PKP1: variants seen among roughly 807,000 people sequenced by gnomAD.
The protein encoded by PKP1 is plakophilin-1.
PKP1 carries 27 observed loss-of-function variants against 76.4 expected under a neutral mutation model. That is an observed-to-expected ratio of 0.35 (90% CI 0.26 to 0.49). The LOEUF is 0.49. PKP1 is among the 20% of genes least tolerant of loss of function. The probability of loss-of-function intolerance (pLI) is 0.99; values close to 1 mark genes in which losing one functional copy is unlikely to be tolerated. For missense variants in PKP1, 964 were observed against 955.2 expected, an observed-to-expected ratio of 1.01 and a Z score of -0.12; for synonymous variants, 404 against 384.2, an observed-to-expected ratio of 1.05 and a Z score of -0.60.
Position 201,313,407 on chromosome 1 carries a change from G to A in PKP1, c.548G>A (p.Arg183His), listed in dbSNP as rs781340038. 6.9e-6 allele frequency: 11 copies of A among 1,588,390 alleles called. No homozygotes were observed. The highest frequency in any genetic ancestry group is 2.3e-5 in the East Asian group (1 of 44,052). The change falls in exon 3 of 14, where the codon CGC becomes CAC. Residue 183 changes from arginine (R) to histidine (H), a missense_variant. By Grantham distance (29) the Arg-to-His change is conservative. Transcript: ENST00000367324. ...AAGGGCCAGAAGACCACCCAGAACC[G>A]CTACAGCTTTTACAGCACCTGCAGT... is the stretch of plus-strand genomic sequence containing the variant. Reference protein sequence around the residue: ...GSKGQKTTQNRYSFYSTCSGQ... With the variant: ...GSKGQKTTQNHYSFYSTCSGQ...
chr1:201,324,029 G>A (rs1003964051), intron 9 of PKP1, among the ~76,000 whole-genome samples: 1 of 152,184 alleles, frequency 6.6e-6, no homozygotes, highest in Non-Finnish European at 1.5e-5. Flanking sequence ...ATGGCCAGAT[G>A]TTTAATTGAC....
At chr1:201,300,578 T>C (rs1451724235) in intron 2 of PKP1, among the ~76,000 whole-genome samples, 1 of 152,226 alleles carries the variant, frequency 6.6e-6, no homozygotes, top group Non-Finnish European at 1.5e-5. Context: ...GTCTGAGGGC[T>C]GGTTTCCCGT....
chr1:201,290,273 T>A (rs140814554), intron 1 of PKP1, among the ~76,000 whole-genome samples: 1 of 152,270 alleles, frequency 6.6e-6, no homozygotes, highest in Non-Finnish European at 1.5e-5. Flanking sequence ...GCAGATGCTC[T>A]GAGGCACTTG....
chr1:201,309,242 G>A (rs1656461943), intron 2 of PKP1, among the ~76,000 whole-genome samples: 1 of 151,902 alleles, frequency 6.6e-6, no homozygotes, highest in Non-Finnish European at 1.5e-5. Context: ...ATAGAGGGGA[G>A]CTTTCAGTGT....
At chr1:201,322,449 C>T (rs1656976131) in intron 8 of PKP1, among the ~76,000 whole-genome samples, 1 of 152,186 alleles carries the variant, frequency 6.6e-6, no homozygotes, top group Admixed American at 6.5e-5. Context: ...CCATCTTCTC[C>T]CTTGCCCTTG....
Position 201,313,492 on chromosome 1 carries a change from C to T in PKP1, c.633C>T (p.Asp211=). ...VRPPSCASKQ[D]PVYIPPISCN... Reference sequence around the variant, plus strand: ...CGCCCTCTTGTGCCTCCAAGCAGGACCCTGTGTATATCCCGCCCATCTCCT... The same window carrying T: ...CGCCCTCTTGTGCCTCCAAGCAGGATCCTGTGTATATCCCGCCCATCTCCT... Residue 211 remains aspartate, a synonymous_variant, in exon 3 of 14, where the codon GAC becomes GAT. Transcript: ENST00000367324. 1 of 1,613,936 alleles carries T rather than the reference C, an allele frequency of 6.2e-7. No individual in the cohort carries two copies. Among genetic ancestry groups the T allele is most frequent in the Non-Finnish European group, 8.5e-7 (1 of 1,179,982 alleles).
At chr1:201,303,077 C>T (rs761082474) in intron 2 of PKP1, among the ~76,000 whole-genome samples, 5 of 152,232 alleles carry the variant, frequency 3.3e-5, no homozygotes, top group South Asian at 2.1e-4. Context: ...GTTTCCCAGA[C>T]ATTCGTCATT....
intron 9 of PKP1, among the ~76,000 whole-genome samples, chr1:201,323,454 G>A (rs1571563011): frequency 6.6e-6 from 1 of 152,234 alleles, no homozygotes; most frequent in Non-Finnish European, 1.5e-5. Flanking sequence ...CATGGCTCCC[G>A]GTCCCCAGCT....
At chr1:201,310,946 C>A (rs1445946103) in intron 2 of PKP1, among the ~76,000 whole-genome samples, 2 of 152,236 alleles carry the variant, frequency 1.3e-5, no homozygotes, top group African/African-American at 4.8e-5. Flanking sequence ...CTCCTTTTCC[C>A]AGCACAGGAA....
chr1:201,308,001 G>C (rs1311961427), intron 2 of PKP1, among the ~76,000 whole-genome samples: 1 of 152,176 alleles, frequency 6.6e-6, no homozygotes, highest in Non-Finnish European at 1.5e-5. Flanking sequence ...GCAGAAGCTT[G>C]GTTTCAAAAT....
chr1:201,296,534 T>C (rs1656079131), intron 2 of PKP1, among the ~76,000 whole-genome samples: 1 of 152,232 alleles, frequency 6.6e-6, no homozygotes. Flanking sequence ...GATCATTTGC[T>C]GCAGATACTT....
rs575522402 is a variant in PKP1 at position 201,322,141 on chromosome 1, C to G, written c.1503+8C>G. The G allele has an allele frequency of 6.2e-7, 1 of 1,609,598 alleles. No individual in the cohort carries two copies. The highest frequency in any genetic ancestry group is 1.1e-5 in the South Asian group (1 of 91,066). ...AAGAGCGACAAGATGATGGTGAGCACAGCATCAGCAGGGCGGGGCCTGCCC... is the reference window on the plus strand; with the variant it reads ...AAGAGCGACAAGATGATGGTGAGCAGAGCATCAGCAGGGCGGGGCCTGCCC... On this transcript the variant is annotated splice_region_variant and intron_variant, in intron 8 of 13. Transcript: ENST00000367324.
At chr1:201,287,346 G>A (rs536091378) in intron 1 of PKP1, among the ~76,000 whole-genome samples, 8 of 152,150 alleles carry the variant, frequency 5.3e-5, no homozygotes, top group East Asian at 1.9e-4. Flanking sequence ...GAAGGAGCTC[G>A]CCTCAGGAGC....
At position 201,320,282 on chromosome 1, in the gene PKP1, C is replaced by A. The variant is rs150013883; in HGVS notation, c.1248C>A (p.Ala416=). ...ATGCLRNLSS[A]DAGRQTMRNY... is the part of the protein sequence containing the mutation. The stretch of plus-strand genomic sequence containing the variant: ...TCTCCCCCAGGAACCTGAGCTCGGC[C>A]GATGCAGGCCGCCAGACCATGCGTA... The change falls in exon 7 of 14, where the codon GCC becomes GCA. Residue 416 remains alanine, a synonymous_variant. Transcript: ENST00000367324. 2 of 1,613,068 alleles carry A rather than the reference C, an allele frequency of 1.2e-6. No homozygotes were observed. The highest frequency in any genetic ancestry group is 2.2e-5 in the South Asian group (2 of 91,060).
chr1:201,320,346 C>A lies in PKP1; in HGVS notation c.1312C>A (p.Gln438Lys). The change falls in exon 7 of 14, where the codon CAG becomes AAG. Residue 438 changes from glutamine (Q) to lysine (K), a missense_variant. Physicochemically the swap from Gln to Lys is moderately conservative, Grantham distance 53. Coordinates refer to ENST00000367324, the MANE Select transcript of PKP1 (RefSeq NM_001005337.3). Reference sequence around the variant, plus strand: ...CATTGATTCCCTCATGGCCTATGTCCAGAACTGTGTAGCGGCCAGCCGCTG... The same window carrying A: ...CATTGATTCCCTCATGGCCTATGTCAAGAACTGTGTAGCGGCCAGCCGCTG... ...GLIDSLMAYV[Q>K]NCVAASRCDD... 1.2e-6 allele frequency: 2 copies of A among 1,613,888 alleles called. No individual in the cohort carries two copies. Among genetic ancestry groups the A allele is most frequent in the Non-Finnish European group, 1.7e-6 (2 of 1,179,756 alleles).
At chr1:201,323,335 G>C in intron 9 of PKP1, 146 bp downstream of exon 9, 1 of 758,802 alleles carries the variant, frequency 1.3e-6, no homozygotes, top group Non-Finnish European at 2.2e-6. Context: ...TGGGCTCTGG[G>C]CTGGGCAATG....
At chr1:201,322,267 T>C in intron 8 of PKP1, 134 bp downstream of exon 8, 2 of 942,168 alleles carry the variant, frequency 2.1e-6, no homozygotes, top group Non-Finnish European at 1.6e-6. Context: ...TGCTGACACC[T>C]TGGCCTGGGG....
chr1:201,322,218 C>T, intron 8 of PKP1, 85 bp downstream of exon 8: 1 of 1,445,938 alleles, frequency 6.9e-7, no homozygotes, highest in South Asian at 1.2e-5. Context: ...TCCTCTGGGC[C>T]CTCCTGGAGC....
At chr1:201,286,968 C>A (rs1453393605) in intron 1 of PKP1, among the ~76,000 whole-genome samples, 3 of 152,156 alleles carry the variant, frequency 2.0e-5, no homozygotes, top group Non-Finnish European at 4.4e-5. Context: ...CCCAAGCGCT[C>A]CCCCGCCACT....
Sources: allele counts gnomAD v4.1 joint callset (sites outside exome capture counted in the v4.1 genomes callset), GRCh38; gene constraint gnomAD v4.1.1; transcripts MANE v1.5; gene names NCBI Gene and HGNC (gene_info 2026-07-23, HGNC 2026-07-21).